SPACA1: variants seen among roughly 807,000 people sequenced by gnomAD.
SPACA1 encodes the protein sperm acrosome membrane-associated protein 1.
SPACA1 carries 17 observed loss-of-function variants against 32.6 expected under a neutral mutation model. That is an observed-to-expected ratio of 0.52 (90% CI 0.36 to 0.78). SPACA1 has a LOEUF of 0.78. SPACA1 is among the 30% of genes least tolerant of loss of function. The pLI is 0.01. For synonymous variants in SPACA1, 140 were observed against 138.1 expected, an observed-to-expected ratio of 1.01 and a Z score of -0.10; for missense variants, 363 against 373.4, an observed-to-expected ratio of 0.97 and a Z score of 0.23.
chr6:88,048,188 A>G (rs1283274293), intron 1 of SPACA1, 75 bp downstream of exon 1: 5 of 1,413,248 alleles, frequency 3.5e-6, no homozygotes, highest in East Asian at 5.0e-5. Context: ...TTTGCCTGAG[A>G]ACCATAATTA....
intron 2 of SPACA1, among the ~76,000 whole-genome samples, chr6:88,055,213 GT>G (rs1775788674): frequency 6.6e-6 from 1 of 152,030 alleles, no homozygotes; most frequent in South Asian, 2.1e-4. Context: ...AATTGCCATT[GT>G]TTTCTATTAT....
In SPACA1 at chr6:88,066,437, GATTGCCAC is replaced by G. The variant is rs1187064662; in HGVS notation, c.*104_*111del. On this transcript the variant is annotated 3_prime_UTR_variant, in exon 7 of 7. Coordinates refer to ENST00000237201, the MANE Select transcript of SPACA1 (RefSeq NM_030960.3). Reference sequence around the variant, plus strand: ...GAAATACTTTAATAATGTTGCGATGGATTGCCACAGTGTGAAGGAAATGCAGTGTGGGG... The same window carrying G: ...GAAATACTTTAATAATGTTGCGATGGAGTGTGAAGGAAATGCAGTGTGGGG... 8.9e-7 allele frequency: 1 copy of G among 1,129,028 alleles called. No individual in the cohort carries two copies. The highest frequency in any genetic ancestry group is 1.2e-6 in the Non-Finnish European group (1 of 831,612). The allele number at this position is 1,129,028 out of a possible 1,614,324, so 69.9% of individuals were successfully genotyped here. A position where few individuals can be genotyped will look rare whatever the true frequency, so the allele number is the denominator to read the frequency against.
chr6:88,063,019 C>T (rs2127801947), intron 5 of SPACA1, among the ~76,000 whole-genome samples: 1 of 152,232 alleles, frequency 6.6e-6, no homozygotes, highest in East Asian at 1.9e-4. Context: ...TTGAATAAAT[C>T]AGACTGCATC....
upstream of SPACA1, among the ~76,000 whole-genome samples, chr6:88,046,969 AT>A (rs1263134136): frequency 6.6e-6 from 1 of 152,224 alleles, no homozygotes; most frequent in Non-Finnish European, 1.5e-5. Context: ...CTCACTTGTC[AT>A]AGGAATTTAA....
chr6:88,060,261 A>G (rs1372334725), intron 5 of SPACA1, among the ~76,000 whole-genome samples: 2 of 152,132 alleles, frequency 1.3e-5, no homozygotes, highest in Admixed American at 1.3e-4. Context: ...CCTTTTGTTC[A>G]GCTGCTCTTA....
At chr6:88,055,181 T>C (rs1003376287) in intron 2 of SPACA1, among the ~76,000 whole-genome samples, 1 of 152,210 alleles carries the variant, frequency 6.6e-6, no homozygotes, top group East Asian at 1.9e-4. Context: ...AGGTAGAGAA[T>C]TATTTTTATG....
At position 88,054,006 on chromosome 6, in the gene SPACA1, A is replaced by C. The variant is rs1158055783; in HGVS notation, c.265+4A>C. 1 of 1,613,260 alleles carries C rather than the reference A, an allele frequency of 6.2e-7. No individual in the cohort carries two copies. The highest frequency in any genetic ancestry group is 8.5e-7 in the Non-Finnish European group (1 of 1,179,458). The stretch of plus-strand genomic sequence containing the variant: ...GGAATGTGCACCGTTACATGTGGTA[A>C]GTAGCTTGGAGCAGATGAATAAACC... On this transcript the variant is annotated splice_donor_region_variant and intron_variant, in intron 2 of 6. Coordinates refer to ENST00000237201, the MANE Select transcript of SPACA1 (RefSeq NM_030960.3).
chr6:88,050,820 A>T (rs976499671), intron 1 of SPACA1, among the ~76,000 whole-genome samples: 20 of 152,280 alleles, frequency 1.3e-4, no homozygotes, highest in African/African-American at 4.8e-4. Flanking sequence ...ATGATGAAAT[A>T]TCACAATGTT....
intron 2 of SPACA1, among the ~76,000 whole-genome samples, chr6:88,054,302 A>G (rs1775775002): frequency 2.6e-5 from 4 of 152,092 alleles, no homozygotes; most frequent in Admixed American, 6.5e-5. Context: ...AGAAGACGAA[A>G]GATTTTCCAA....
intron 1 of SPACA1, among the ~76,000 whole-genome samples, chr6:88,051,658 T>C (rs1363007643): frequency 6.6e-6 from 1 of 152,244 alleles, no homozygotes; most frequent in Non-Finnish European, 1.5e-5. Flanking sequence ...CATTCGTTTT[T>C]AACTGTCCTA....
At chr6:88,060,670 T>C (rs1775879358) in intron 5 of SPACA1, among the ~76,000 whole-genome samples, 1 of 152,228 alleles carries the variant, frequency 6.6e-6, no homozygotes, top group Admixed American at 6.5e-5. Context: ...AAGGATCATT[T>C]TCAATAAAGC....
intron 1 of SPACA1, among the ~76,000 whole-genome samples, chr6:88,050,725 T>C (rs1218970570): frequency 6.6e-6 from 1 of 152,264 alleles, no homozygotes; most frequent in African/African-American, 2.4e-5. Flanking sequence ...ATTATTTTTC[T>C]AGGCAATTCC....
intron 5 of SPACA1, among the ~76,000 whole-genome samples, chr6:88,063,128 A>G (rs1204439085): frequency 1.3e-5 from 2 of 152,228 alleles, no homozygotes; most frequent in Non-Finnish European, 1.5e-5. Context: ...TACAGTCAGT[A>G]CAATCAGTTT....
At chr6:88,063,992 A>T in intron 5 of SPACA1, 107 bp from the exon 6 acceptor site, 1 of 1,294,312 alleles carries the variant, frequency 7.7e-7, no homozygotes, top group East Asian at 2.5e-5. Flanking sequence ...TGCACTAAGC[A>T]TTTCTTTATG....
In SPACA1 at chr6:88,053,032, C is replaced by A. The variant is rs367639599; in HGVS notation, c.209-914C>A. Among the ~76,000 whole-genome samples, 78 of 152,310 alleles carry A rather than the reference C, an allele frequency of 5.1e-4. 1 individual carries two copies. The highest frequency in any genetic ancestry group is 1.8e-3 in the African/African-American group (74 of 41,564). ...AAACAATTTATAGAATGCTTTCACACACATTATCCTTATTTAATTCTTACA... is the reference window on the plus strand; with the variant it reads ...AAACAATTTATAGAATGCTTTCACAAACATTATCCTTATTTAATTCTTACA... On this transcript the variant is annotated intron_variant, in intron 1 of 6. Coordinates refer to ENST00000237201, the MANE Select transcript of SPACA1 (RefSeq NM_030960.3).
intron 2 of SPACA1, among the ~76,000 whole-genome samples, chr6:88,054,340 T>C (rs1042155888): frequency 1.3e-5 from 2 of 152,016 alleles, no homozygotes; most frequent in Non-Finnish European, 1.5e-5. Context: ...TTCCCACATA[T>C]TGTGTTGGCA....
At chr6:88,055,271 T>A (rs978108467) in intron 2 of SPACA1, among the ~76,000 whole-genome samples, 11 of 152,316 alleles carry the variant, frequency 7.2e-5, no homozygotes, top group Admixed American at 3.9e-4. Flanking sequence ...ATTATTTTTT[T>A]AAAATTATTT....
chr6:88,054,548 C>T (rs1373265383), intron 2 of SPACA1, among the ~76,000 whole-genome samples: 1 of 152,178 alleles, frequency 6.6e-6, no homozygotes, highest in Non-Finnish European at 1.5e-5. Flanking sequence ...GAAGTTGATG[C>T]TGCTAGTTAG....
At chr6:88,062,770 A>G (rs1775915804) in intron 5 of SPACA1, among the ~76,000 whole-genome samples, 1 of 152,102 alleles carries the variant, frequency 6.6e-6, no homozygotes, top group East Asian at 1.9e-4. Flanking sequence ...GCAATATAGC[A>G]AGACCCCATT....
Sources: gnomAD v4.1 joint callset for allele counts (sites outside exome capture counted in the v4.1 genomes callset) on GRCh38, gnomAD v4.1.1 for gene constraint, MANE v1.5 for transcripts, NCBI Gene and HGNC (gene_info 2026-07-23, HGNC 2026-07-21) for gene names.